Variants in MAGI2 observed in about 807,000 individuals in gnomAD.
MAGI2 encodes membrane-associated guanylate kinase, WW and PDZ domain-containing protein 2.
MAGI2 carries 35 observed loss-of-function variants against 133.3 expected under a neutral mutation model. The observed-to-expected ratio is 0.26, with a 90% CI of 0.20 to 0.35. The LOEUF (loss-of-function observed/expected upper bound fraction) is 0.35, where lower values mean the gene tolerates loss of function less well. Ranked by LOEUF, MAGI2 falls within the 10% of genes least tolerant of loss-of-function variation. The probability of loss-of-function intolerance (pLI) is 1.00; values close to 1 mark genes in which losing one functional copy is unlikely to be tolerated. For synonymous variants in MAGI2, 729 were observed against 710.6 expected (o/e 1.03, Z -0.41); for missense variants, 1,636 against 1,863.4 (o/e 0.88, Z 2.25).
chr7:78,354,160 T>C (rs1791822556), intron 7 of MAGI2, among the ~76,000 whole-genome samples: 1 of 152,180 alleles, frequency 6.6e-6, no homozygotes, highest in African/African-American at 2.4e-5. Context: ...AGATGTTCCA[T>C]GCGTATGAAA....
At chr7:79,080,704 G>A (rs1372327218) in intron 1 of MAGI2, among the ~76,000 whole-genome samples, 1 of 152,002 alleles carries the variant, frequency 6.6e-6, no homozygotes, top group Non-Finnish European at 1.5e-5. Context: ...TATTACATAA[G>A]ACAGGTACAA....
intron 10 of MAGI2, among the ~76,000 whole-genome samples, chr7:78,236,181 G>A (rs1297262823): frequency 6.6e-6 from 1 of 151,996 alleles, no homozygotes. Flanking sequence ...TTGTTAACTG[G>A]ATGTTCCCAT....
At chr7:79,106,137 T>A (rs1208423678) in intron 1 of MAGI2, among the ~76,000 whole-genome samples, 1 of 152,154 alleles carries the variant, frequency 6.6e-6, no homozygotes, top group Non-Finnish European at 1.5e-5. Context: ...GAACTAACTA[T>A]TGATACATGC....
chr7:78,369,674 C>T (rs747223252), intron 6 of MAGI2, among the ~76,000 whole-genome samples: 13 of 151,956 alleles, frequency 8.6e-5, no homozygotes, highest in Non-Finnish European at 1.8e-4. Flanking sequence ...ATTGATATCC[C>T]ACTATTTGAG....
intron 6 of MAGI2, among the ~76,000 whole-genome samples, chr7:78,377,849 A>G (rs116375740): frequency 0.01 from 1,543 of 150,922 alleles, 27 homozygotes; most frequent in African/African-American, 0.036. Flanking sequence ...AGAGCAGACT[A>G]TTTATAGAAA....
At chr7:78,249,790 C>A (rs750388437) in intron 10 of MAGI2, among the ~76,000 whole-genome samples, 2 of 151,920 alleles carry the variant, frequency 1.3e-5, no homozygotes, top group Non-Finnish European at 2.9e-5. Flanking sequence ...TCCTATTGCA[C>A]ATTAGGTTGA....
Position 78,649,232 on chromosome 7 carries a change from AAAAG to A in MAGI2, c.419-21997_419-21994del, listed in dbSNP as rs1484653785. 6.1e-5 allele frequency among the ~76,000 whole-genome samples: 5 copies of A among 81,882 alleles called. No individual in the cohort carries two copies. In the Admixed American group the frequency reaches 7.3e-4, roughly 12 times the overall value. The allele number at this position is 81,882 out of a possible 152,430, so 53.7% of individuals were successfully genotyped here. A position where few individuals can be genotyped will look rare whatever the true frequency, so the allele number is the denominator to read the frequency against. Reference sequence around the variant, plus strand: ...TGGGATGACTTGTGGTAAAAAAAAAAAAAGAAAAAAAAAGAAAAAAAGTAATGAC... The same window carrying A: ...TGGGATGACTTGTGGTAAAAAAAAAAAAAAAAAAAGAAAAAAAGTAATGAC... On this transcript the variant is annotated intron_variant, in intron 2 of 21. Coordinates refer to ENST00000354212, the MANE Select transcript of MAGI2 (RefSeq NM_012301.4).
At chr7:78,302,571 A>G (rs1290143245) in intron 9 of MAGI2, among the ~76,000 whole-genome samples, 1 of 152,152 alleles carries the variant, frequency 6.6e-6, no homozygotes, top group Non-Finnish European at 1.5e-5. Flanking sequence ...CTTTATTACA[A>G]ACGAATATAA....
At chr7:79,332,014 CATTTTTGA>C (rs943972290) in intron 1 of MAGI2, among the ~76,000 whole-genome samples, 8 of 152,026 alleles carry the variant, frequency 5.3e-5, no homozygotes, top group Admixed American at 2.6e-4. Context: ...AAAAAGGTAG[CATTTTTGA>C]GCACTTTATA....
rs544723001 is a variant in MAGI2 at position 78,390,782 on chromosome 7, T to C, written c.1046-21569A>G. On this transcript the variant is annotated intron_variant, in intron 6 of 21. Transcript: ENST00000354212. ...CCCCTTCCTGCCTCACCTCAGTTAT[T>C]TAGCACCATAGGAGTACTAAAATTA... Among the ~76,000 whole-genome samples the C allele has an allele frequency of 4.6e-5, 7 of 152,330 alleles. No homozygotes were observed. In the South Asian group the frequency reaches 1.2e-3, roughly 27 times the overall value.
intron 2 of MAGI2, among the ~76,000 whole-genome samples, chr7:78,719,527 A>G (rs895674380): frequency 6.6e-6 from 1 of 152,252 alleles, no homozygotes; most frequent in Non-Finnish European, 1.5e-5. Context: ...TACGTTTAAA[A>G]AAATCATTTA....
At chr7:78,823,866 G>A (rs895365410) in intron 2 of MAGI2, among the ~76,000 whole-genome samples, 7 of 151,900 alleles carry the variant, frequency 4.6e-5, no homozygotes, top group Admixed American at 2.0e-4. Flanking sequence ...ATTACCTAGA[G>A]TTACTGGTAT....
intron 1 of MAGI2, among the ~76,000 whole-genome samples, chr7:79,282,610 A>T (rs942096624): frequency 6.6e-6 from 1 of 152,146 alleles, no homozygotes; most frequent in Non-Finnish European, 1.5e-5. Context: ...AAAGAAGACA[A>T]GGGAATAGAA....
intron 20 of MAGI2, among the ~76,000 whole-genome samples, chr7:78,095,230 G>T (rs1434343359): frequency 6.6e-6 from 1 of 152,170 alleles, no homozygotes; most frequent in African/African-American, 2.4e-5. Context: ...GATGATTTGG[G>T]TTACTTTTTT....
At chr7:78,281,448 C>T (rs1282167135) in intron 9 of MAGI2, among the ~76,000 whole-genome samples, 1 of 152,110 alleles carries the variant, frequency 6.6e-6, no homozygotes, top group African/African-American at 2.4e-5. Flanking sequence ...CACTGAGCAC[C>T]TCTCCTTCCT....
At chr7:78,587,113 A>G (rs188114968) in intron 3 of MAGI2, among the ~76,000 whole-genome samples, 6 of 152,232 alleles carry the variant, frequency 3.9e-5, no homozygotes, top group Admixed American at 3.9e-4. Context: ...AAATTGCTGG[A>G]TTGTTTGACA....
intron 1 of MAGI2, among the ~76,000 whole-genome samples, chr7:79,204,717 C>G (rs1828892580): frequency 6.6e-6 from 1 of 151,090 alleles, no homozygotes; most frequent in Non-Finnish European, 1.5e-5. Context: ...AAAAATACTT[C>G]AATAAAATAA....
intron 2 of MAGI2, among the ~76,000 whole-genome samples, chr7:78,724,429 G>C (rs1268374347): frequency 4.6e-5 from 7 of 152,204 alleles, no homozygotes; most frequent in Admixed American, 2.0e-4. Flanking sequence ...TAGATGGCAG[G>C]AAAGCAAGGA....
At chr7:79,129,007 A>T (rs979086105) in intron 1 of MAGI2, among the ~76,000 whole-genome samples, 1 of 152,060 alleles carries the variant, frequency 6.6e-6, no homozygotes, top group Non-Finnish European at 1.5e-5. Flanking sequence ...AGTAGCTGGG[A>T]TTACAGGCAG....
Sources: allele counts gnomAD v4.1 joint callset (sites outside exome capture counted in the v4.1 genomes callset), GRCh38; gene constraint gnomAD v4.1.1; transcripts MANE v1.5; gene names NCBI Gene and HGNC (gene_info 2026-07-23, HGNC 2026-07-21).